The following MTMR2 variants were observed in gnomAD, a reference collection of about 807,000 sequenced individuals.
The protein encoded by MTMR2 is phosphatidylinositol-3,5-bisphosphate 3-phosphatase MTMR2.
A neutral mutation model predicts 86.9 loss-of-function variants in MTMR2; 55 were observed. The observed-to-expected ratio is 0.63, with a 90% CI of 0.51 to 0.79. The LOEUF is 0.79. Among genes scored for constraint, MTMR2 ranks in the 30% least tolerant of loss-of-function variants. The pLI is 0.00. For synonymous variants in MTMR2, 241 were observed against 266.8 expected, an observed-to-expected ratio of 0.90 and a Z score of 0.94; for missense variants, 659 against 772.3, an observed-to-expected ratio of 0.85 and a Z score of 1.74.
intron 7 of MTMR2, among the ~76,000 whole-genome samples, chr11:95,852,751 G>A (rs1279959513): frequency 6.6e-6 from 1 of 152,010 alleles, no homozygotes; most frequent in Non-Finnish European, 1.5e-5. Flanking sequence ...AAATATTCAC[G>A]TGCTGGCCGG....
At chr11:95,861,420 A>ATTC (rs1463863813) in intron 5 of MTMR2, among the ~76,000 whole-genome samples, 1 of 147,596 alleles carries the variant, frequency 6.8e-6, no homozygotes, top group African/African-American at 2.5e-5. Context: ...TATTATTATT[A>ATTC]TTATTATTAT....
At chr11:95,904,672 T>C (rs868324723) in intron 1 of MTMR2, among the ~76,000 whole-genome samples, 56 of 152,366 alleles carry the variant, frequency 3.7e-4, no homozygotes, top group African/African-American at 1.3e-3. Flanking sequence ...TTGTTTAGTA[T>C]ATAATCAAGA....
chr11:95,873,329 G>A (rs1864968558), intron 2 of MTMR2, among the ~76,000 whole-genome samples: 1 of 152,166 alleles, frequency 6.6e-6, no homozygotes, highest in South Asian at 2.1e-4. Context: ...TCCTGGTTTA[G>A]CCTTGGGAGA....
At chr11:95,866,921 T>C (rs1864638196) in intron 2 of MTMR2, among the ~76,000 whole-genome samples, 3 of 151,904 alleles carry the variant, frequency 2.0e-5, no homozygotes. Context: ...ATGGTAACTA[T>C]TATAGTACCA....
rs149731060 is a variant in MTMR2, at chr11:95,871,517, T to G, written c.187-5841A>C. Among the ~76,000 whole-genome samples, 1,276 of 152,346 alleles carry G rather than the reference T, an allele frequency of 8.4e-3. 17 individuals are homozygous for G. The highest frequency in any genetic ancestry group is 0.027 in the Middle Eastern group (8 of 294). On this transcript the variant is annotated intron_variant, in intron 2 of 14. Transcript: ENST00000346299. ...ATGATGAGCATTTTTTCATGTGTCT[T>G]TTGGCTGCATAAATGTCTCCTTTTG...
At chr11:95,882,815 C>T (rs1463784883) in intron 2 of MTMR2, among the ~76,000 whole-genome samples, 81 of 149,454 alleles carry the variant, frequency 5.4e-4, no homozygotes, top group Admixed American at 4.0e-3. Flanking sequence ...CTCCGCCTCC[C>T]GGGTTCACGC....
chr11:95,913,016 G>C (rs1258026502), intron 1 of MTMR2: 1 of 151,814 alleles, frequency 6.6e-6, no homozygotes, highest in Admixed American at 6.6e-5. Context: ...TAATATCATG[G>C]ATACAAAAAA....
At chr11:95,854,184 C>T (rs1864126042) in intron 7 of MTMR2, among the ~76,000 whole-genome samples, 1 of 152,056 alleles carries the variant, frequency 6.6e-6, no homozygotes, top group Non-Finnish European at 1.5e-5. Context: ...ATTGGCTAGC[C>T]CTCAGACACT....
At chr11:95,923,294 G>T (rs1591059905) in intron 1 of MTMR2, among the ~76,000 whole-genome samples, 1 of 152,172 alleles carries the variant, frequency 6.6e-6, no homozygotes, top group Non-Finnish European at 1.5e-5. Flanking sequence ...CTTTCAGCTG[G>T]AAGATTTAGA....
Position 95,833,265 on chromosome 11 carries a change from A to G in MTMR2, c.*2025T>C, listed in dbSNP as rs1863102931. 1 of 152,142 alleles carries G rather than the reference A, an allele frequency of 6.6e-6. No individual in the cohort carries two copies. Among genetic ancestry groups the G allele is most frequent in the African/African-American group, 2.4e-5 (1 of 41,436 alleles). The allele number at this position is 152,142 out of a possible 1,614,324, so 9.4% of individuals were successfully genotyped here. ...TGCAGAGACTAGGTCGAAGGAGGCTAAGGAGCTTCAACTTAATCATACTGG... is the reference window on the plus strand; with the variant it reads ...TGCAGAGACTAGGTCGAAGGAGGCTGAGGAGCTTCAACTTAATCATACTGG... On this transcript the variant is annotated 3_prime_UTR_variant, in exon 15 of 15. Coordinates refer to ENST00000346299, the MANE Select transcript of MTMR2 (RefSeq NM_016156.6).
intron 2 of MTMR2, among the ~76,000 whole-genome samples, chr11:95,876,632 ACT>A (rs1865122209): frequency 6.6e-6 from 1 of 151,968 alleles, no homozygotes; most frequent in East Asian, 1.9e-4. Context: ...TCTTATTAAA[ACT>A]CTTACTTCAA....
intron 10 of MTMR2, among the ~76,000 whole-genome samples, chr11:95,845,663 G>A (rs1863755216): frequency 6.6e-6 from 1 of 151,700 alleles, no homozygotes; most frequent in South Asian, 2.1e-4. Flanking sequence ...AGAGCATACA[G>A]CAAGCACAGT....
chr11:95,835,551 GAAC>G (rs1565342094), intron 14 of MTMR2, 100 bp from the exon 15 acceptor site: 15 of 1,212,374 alleles, frequency 1.2e-5, no homozygotes, highest in Non-Finnish European at 1.7e-5. Context: ...TCAGCTGTTG[GAAC>G]CAATGGCACC....
chr11:95,854,835 G>C (rs1043427555), intron 7 of MTMR2, among the ~76,000 whole-genome samples: 1 of 149,766 alleles, frequency 6.7e-6, no homozygotes, highest in African/African-American at 2.5e-5. Flanking sequence ...TTGAGACAGG[G>C]TCTCACTCTG....
chr11:95,899,822 C>T (rs1339146164), intron 1 of MTMR2, among the ~76,000 whole-genome samples: 1 of 152,050 alleles, frequency 6.6e-6, no homozygotes, highest in Non-Finnish European at 1.5e-5. Context: ...TTTGGGGAAA[C>T]CTATGTAACT....
At chr11:95,898,092 A>G (rs574707164) in intron 1 of MTMR2, among the ~76,000 whole-genome samples, 1 of 152,160 alleles carries the variant, frequency 6.6e-6, no homozygotes, top group South Asian at 2.1e-4. Context: ...TTTGTTCACA[A>G]GTCTCTTCCC....
At chr11:95,894,507 A>G (rs1865815734) in intron 1 of MTMR2, among the ~76,000 whole-genome samples, 1 of 152,224 alleles carries the variant, frequency 6.6e-6, no homozygotes, top group South Asian at 2.1e-4. Flanking sequence ...TTATAACGGC[A>G]AAAGTTCGAA....
chr11:95,851,080 T>C (rs1319011836), intron 7 of MTMR2, among the ~76,000 whole-genome samples: 1 of 83,222 alleles, frequency 1.2e-5, no homozygotes, highest in African/African-American at 6.9e-5. Context: ...TTTTTTTTTT[T>C]GAGACAGAGT....
intron 1 of MTMR2, among the ~76,000 whole-genome samples, chr11:95,895,085 T>A (rs528718233): frequency 8.5e-5 from 13 of 152,104 alleles, no homozygotes; most frequent in African/African-American, 3.1e-4. Context: ...GCACTTCAGA[T>A]TTCTGACCAA....
Sources: allele counts gnomAD v4.1 joint callset (sites outside exome capture counted in the v4.1 genomes callset), GRCh38; gene constraint gnomAD v4.1.1; transcripts MANE v1.5; gene names NCBI Gene and HGNC (gene_info 2026-07-23, HGNC 2026-07-21).